The following GRK5 variants were observed in gnomAD, a reference collection of about 807,000 sequenced individuals.
GRK5 encodes the protein G protein-coupled receptor kinase 5, also known as g protein-coupled receptor kinase GRK5.
In GRK5, 40 loss-of-function variants were observed where a neutral mutation model predicts 78.4. The observed-to-expected ratio is 0.51, with a 90% CI of 0.40 to 0.66. The LOEUF (loss-of-function observed/expected upper bound fraction) is 0.66, where lower values mean the gene tolerates loss of function less well. Among genes scored for constraint, GRK5 ranks in the 30% least tolerant of loss-of-function variants. The pLI is 0.00. For missense variants in GRK5, 598 were observed against 759.9 expected (o/e 0.79, Z 2.50); for synonymous variants, 289 against 296.8 (o/e 0.97, Z 0.27).
At chr10:119,329,481 T>C (rs1350658114) in intron 2 of GRK5, among the ~76,000 whole-genome samples, 2 of 152,122 alleles carry the variant, frequency 1.3e-5, no homozygotes, top group Non-Finnish European at 2.9e-5. Flanking sequence ...CTAGACAAAC[T>C]TGCAACCCAC....
chr10:119,320,130 G>A (rs965087562), intron 1 of GRK5, among the ~76,000 whole-genome samples: 10 of 152,190 alleles, frequency 6.6e-5, no homozygotes, highest in African/African-American at 1.7e-4. Context: ...CTGTAGGGTC[G>A]GAGTGGGGGA....
intron 1 of GRK5, among the ~76,000 whole-genome samples, chr10:119,307,243 G>A (rs937725876): frequency 6.6e-6 from 1 of 152,044 alleles, no homozygotes; most frequent in Non-Finnish European, 1.5e-5. Flanking sequence ...TTAAACCCAG[G>A]CAGTCTGGCC....
intron 3 of GRK5, among the ~76,000 whole-genome samples, chr10:119,393,870 C>CTGTATGTGTGGGTGTCTGTA (rs1473221137): frequency 2.6e-5 from 4 of 151,716 alleles, no homozygotes; most frequent in Non-Finnish European, 5.9e-5. Flanking sequence ...GGGTGTGTGT[C>CTGTATGTGTGGGTGTCTGTA]TGTGTGTGGG....
intron 1 of GRK5, among the ~76,000 whole-genome samples, chr10:119,303,114 C>T (rs554708766): frequency 1.6e-4 from 24 of 152,060 alleles, no homozygotes; most frequent in African/African-American, 5.3e-4. Flanking sequence ...GCCATGTGTC[C>T]GGTATTGTTC....
At chr10:119,367,394 G>T (rs1290957977) in intron 2 of GRK5, among the ~76,000 whole-genome samples, 1 of 152,126 alleles carries the variant, frequency 6.6e-6, no homozygotes, top group Non-Finnish European at 1.5e-5. Context: ...TGAGTCTGGG[G>T]CCAAGCTGAG....
intron 1 of GRK5, among the ~76,000 whole-genome samples, chr10:119,290,367 A>AAAAC (rs1554903197): frequency 0.012 from 1,703 of 137,158 alleles, 26 homozygotes; most frequent in South Asian, 0.019. Flanking sequence ...AAAAAAACAA[A>AAAAC]AAACAACTCT....
intron 1 of GRK5, among the ~76,000 whole-genome samples, chr10:119,277,146 G>T (rs1478420028): frequency 6.6e-6 from 1 of 152,150 alleles, no homozygotes. Flanking sequence ...GGATCCAGAA[G>T]GTTGGCTGAT....
intron 1 of GRK5, among the ~76,000 whole-genome samples, chr10:119,243,305 G>A (rs571922160): frequency 6.6e-6 from 1 of 152,262 alleles, no homozygotes; most frequent in Non-Finnish European, 1.5e-5. Flanking sequence ...ATGTTAGGTG[G>A]CCAGGTCGAG....
At chr10:119,234,938 G>A (rs1431051897) in intron 1 of GRK5, among the ~76,000 whole-genome samples, 1 of 151,806 alleles carries the variant, frequency 6.6e-6, no homozygotes, top group Admixed American at 6.6e-5. Context: ...GCCTCCCAAA[G>A]TGCTGAGATT....
chr10:119,238,329 G>T lies in GRK5; in HGVS notation c.52+30360G>T, dbSNP rs551618501. ...TAAACTTTGGACTGGCTCATCCAGG[G>T]AGGTGGCGCGATTTCCTCTGGAGGT... On this transcript the variant is annotated intron_variant, in intron 1 of 15. Coordinates refer to ENST00000392870, the MANE Select transcript of GRK5 (RefSeq NM_005308.3). This position sits in a 1 kb window ranked among gnomAD's most constrained non-coding sequence, Gnocchi z 4.7. Among the ~76,000 whole-genome samples, 42 of 152,222 alleles carry T rather than the reference G, an allele frequency of 2.8e-4. No individual in the cohort carries two copies. Among genetic ancestry groups the T allele is most frequent in the African/African-American group, 8.9e-4 (37 of 41,538 alleles).
chr10:119,239,066 G>A (rs1848978017), intron 1 of GRK5, among the ~76,000 whole-genome samples: 1 of 152,048 alleles, frequency 6.6e-6, no homozygotes, highest in Admixed American at 6.6e-5. Flanking sequence ...AGAGAGAAAG[G>A]AGGTTTTGTT....
chr10:119,415,972 G>A lies in GRK5; in HGVS notation c.340-7194G>A, dbSNP rs535779105. ...CCGTCTCACTCCTGAATCTCTGAAC[G>A]AGTATCAGGCCTGTGTTTCTGGACA... On this transcript the variant is annotated intron_variant, in intron 4 of 15. Transcript: ENST00000392870. Among the ~76,000 whole-genome samples the A allele has an allele frequency of 4.5e-4, 68 of 152,256 alleles. No homozygotes were observed. In the South Asian group the frequency reaches 6.4e-3, roughly 14 times the overall value.
intron 4 of GRK5, among the ~76,000 whole-genome samples, chr10:119,421,973 A>G (rs1852579142): frequency 6.6e-6 from 1 of 152,146 alleles, no homozygotes; most frequent in Admixed American, 6.5e-5. Context: ...CCCGCCCAGA[A>G]ACCATCCAGT....
In GRK5 at chr10:119,216,267, A is replaced by T. The variant is rs555681640; in HGVS notation, c.52+8298A>T. On this transcript the variant is annotated intron_variant, in intron 1 of 15. Coordinates refer to ENST00000392870, the MANE Select transcript of GRK5 (RefSeq NM_005308.3). ...ACTTGTAATCTGTGGAATATCAAAA[A>T]TTTTTTTAAAAAGGTAATGATGAAA... Among the ~76,000 whole-genome samples, 13 of 152,320 alleles carry T rather than the reference A, an allele frequency of 8.5e-5. No homozygotes were observed. In the South Asian group the frequency reaches 1.9e-3, roughly 22 times the overall value.
chr10:119,257,728 A>G (rs12415135), intron 1 of GRK5, among the ~76,000 whole-genome samples: 12,922 of 152,186 alleles, frequency 0.085, 695 homozygotes, highest in East Asian at 0.18. Flanking sequence ...TGTCTAAACA[A>G]AAGAAAACAA....
chr10:119,303,991 C>T (rs898272637), intron 1 of GRK5, among the ~76,000 whole-genome samples: 2 of 152,162 alleles, frequency 1.3e-5, no homozygotes, highest in African/African-American at 2.4e-5. Flanking sequence ...GCTGGCCCTG[C>T]GTCTTCAGGA....
At chr10:119,222,708 T>C (rs17098562) in intron 1 of GRK5, among the ~76,000 whole-genome samples, 3,136 of 152,242 alleles carry the variant, frequency 0.021, 77 homozygotes, top group South Asian at 0.064. Flanking sequence ...CATTTTCTTC[T>C]GGGAAACATT....
chr10:119,309,481 C>G (rs1012574208), intron 1 of GRK5, among the ~76,000 whole-genome samples: 6 of 152,178 alleles, frequency 3.9e-5, no homozygotes, highest in African/African-American at 1.2e-4. Context: ...CTTTCAACCC[C>G]CAGGTCCTGT....
chr10:119,450,767 G>A (rs926737636), intron 13 of GRK5, among the ~76,000 whole-genome samples: 6 of 152,106 alleles, frequency 3.9e-5, no homozygotes, highest in Non-Finnish European at 7.4e-5. Flanking sequence ...CTGACAAGGT[G>A]CACAGAGCAG....
Sources: gnomAD v4.1 joint callset for allele counts (sites outside exome capture counted in the v4.1 genomes callset) on GRCh38, gnomAD v4.1.1 for gene constraint, Gnocchi (gnomAD v3.1) non-coding constraint, MANE v1.5 for transcripts, NCBI Gene and HGNC (gene_info 2026-07-23, HGNC 2026-07-21) for gene names.